Variants in HNRNPUL1 observed in about 807,000 individuals in gnomAD.
The protein encoded by HNRNPUL1 is heterogeneous nuclear ribonucleoprotein U-like protein 1.
In HNRNPUL1, 14 loss-of-function variants were observed where a neutral mutation model predicts 108.5. That is an observed-to-expected ratio of 0.13 (90% CI 0.09 to 0.20). HNRNPUL1 has a LOEUF of 0.20. Among genes scored for constraint, HNRNPUL1 ranks in the 10% least tolerant of loss-of-function variants. HNRNPUL1 has a pLI of 1.00. For missense variants in HNRNPUL1, 804 were observed against 1,168.3 expected (o/e 0.69, Z 4.55); for synonymous variants, 422 against 445.2 (o/e 0.95, Z 0.66).
At chr19:41,289,552 AC>A (rs1450671163) in intron 7 of HNRNPUL1, among the ~76,000 whole-genome samples, 2 of 152,100 alleles carry the variant, frequency 1.3e-5, no homozygotes, top group Non-Finnish European at 2.9e-5. Context: ...AGCAGGAACA[AC>A]AACACAACTC....
In HNRNPUL1 at chr19:41,274,003, T is replaced by C; in HGVS notation, c.594T>C (p.Pro198=). The change falls in exon 4 of 15, where the codon CCT becomes CCC. Residue 198 remains proline, a synonymous_variant. Transcript: ENST00000392006. ...ACAGGGGCCGCTCTCCTCAGCCTCC[T>C]GCTGAAGAGGATGAAGATGACTTTG... ...EDRRGRSPQP[P]AEEDEDDFDD... The C allele has an allele frequency of 6.2e-7, 1 of 1,614,076 alleles. No homozygotes were observed. Among genetic ancestry groups the C allele is most frequent in the Non-Finnish European group, 8.5e-7 (1 of 1,179,892 alleles).
intron 7 of HNRNPUL1, among the ~76,000 whole-genome samples, chr19:41,284,415 C>T (rs569966393): frequency 6.6e-6 from 1 of 152,328 alleles, no homozygotes; most frequent in East Asian, 1.9e-4. Flanking sequence ...CTTGTAGTCT[C>T]AGCACTTTGG....
At chr19:41,290,847 A>G (rs1285973846) in intron 7 of HNRNPUL1, among the ~76,000 whole-genome samples, 1 of 152,158 alleles carries the variant, frequency 6.6e-6, no homozygotes, top group Admixed American at 6.5e-5. Flanking sequence ...ACCTGAGGTC[A>G]GGAGTTCGAG....
At chr19:41,263,038 C>T (rs1211691671), upstream of HNRNPUL1, 1 of 83,598 alleles carries the variant, frequency 1.2e-5, no homozygotes, top group Non-Finnish European at 2.4e-5. Context: ...GAGACTCCGT[C>T]TCAAAAAAAA....
At chr19:41,290,929 C>T (rs1254463682) in intron 7 of HNRNPUL1, among the ~76,000 whole-genome samples, 1 of 152,188 alleles carries the variant, frequency 6.6e-6, no homozygotes, top group African/African-American at 2.4e-5. Context: ...TGGCACATGC[C>T]TGTAATCCCA....
At chr19:41,266,963 G>C (rs1568426159) in intron 1 of HNRNPUL1, among the ~76,000 whole-genome samples, 2 of 152,202 alleles carry the variant, frequency 1.3e-5, no homozygotes, top group Non-Finnish European at 2.9e-5. Context: ...AGCAAGAAAG[G>C]GTAGTGGGTT....
Position 41,304,216 on chromosome 19 carries a change from C to T in HNRNPUL1, c.2217C>T (p.Ser739=), listed in dbSNP as rs377455926. 9.9e-6 allele frequency: 16 copies of T among 1,613,272 alleles called. No homozygotes were observed. Among genetic ancestry groups the T allele is most frequent in the African/African-American group, 6.7e-5 (5 of 74,890 alleles). ...YNKNSNIPGS[S]ANTSTPTVSS... ...AGAACAGCAACATCCCTGGCTCAAG[C>T]GCCAATACCAGCACCCCCACCGTCA... Residue 739 remains serine (S), a synonymous_variant, in exon 13 of 15, where the codon AGC becomes AGT. Coordinates refer to ENST00000392006, the MANE Select transcript of HNRNPUL1 (RefSeq NM_007040.6).
At chr19:41,272,639 G>A (rs550733027) in intron 3 of HNRNPUL1, among the ~76,000 whole-genome samples, 1 of 152,276 alleles carries the variant, frequency 6.6e-6, no homozygotes, top group South Asian at 2.1e-4. Flanking sequence ...GTGCTGTCAC[G>A]AAGTGCCCAC....
rs1410751831 is a variant in HNRNPUL1, at chr19:41,299,081, T to C, written c.1519-2455T>C. Among the ~76,000 whole-genome samples the C allele has an allele frequency of 2.0e-5, 3 of 152,322 alleles. No individual in the cohort carries two copies. In the East Asian group the frequency reaches 5.8e-4, roughly 29 times the overall value. On this transcript the variant is annotated intron_variant, in intron 10 of 14. Coordinates refer to ENST00000392006, the MANE Select transcript of HNRNPUL1 (RefSeq NM_007040.6). The stretch of plus-strand genomic sequence containing the variant: ...CCACGTTCTGCTTTGGTTTTAGGAA[T>C]GGAGTCAAAGAAGAGTAGTGGGGAG...
At chr19:41,263,766 G>A (rs186821192), upstream of HNRNPUL1, among the ~76,000 whole-genome samples, 187 of 152,280 alleles carry the variant, frequency 1.2e-3, no homozygotes, top group African/African-American at 4.1e-3. Flanking sequence ...ATGAGCCATC[G>A]CTACCAGCTT....
At chr19:41,280,714 G>A (rs1341646230) in intron 6 of HNRNPUL1, among the ~76,000 whole-genome samples, 2 of 152,196 alleles carry the variant, frequency 1.3e-5, no homozygotes, top group African/African-American at 2.4e-5. Flanking sequence ...CAGTTCTGTA[G>A]CCTGAGGAAA....
intron 2 of HNRNPUL1, among the ~76,000 whole-genome samples, chr19:41,270,147 T>A (rs1198004614): frequency 6.6e-6 from 1 of 152,138 alleles, no homozygotes; most frequent in Non-Finnish European, 1.5e-5. Context: ...CACACCTGGC[T>A]AATTTTTGTA....
chr19:41,300,901 A>G (rs1040629734), intron 10 of HNRNPUL1, among the ~76,000 whole-genome samples: 1 of 152,220 alleles, frequency 6.6e-6, no homozygotes, highest in Non-Finnish European at 1.5e-5. Context: ...AAAAGAACCA[A>G]TGTTAATAAG....
At chr19:41,290,890 A>C (rs538870605) in intron 7 of HNRNPUL1, among the ~76,000 whole-genome samples, 10 of 152,264 alleles carry the variant, frequency 6.6e-5, no homozygotes, top group Admixed American at 5.2e-4. Flanking sequence ...AACCCCGTCT[A>C]CTAAAAATAC....
chr19:41,277,811 C>T (rs1201064282), intron 5 of HNRNPUL1, among the ~76,000 whole-genome samples: 1 of 151,802 alleles, frequency 6.6e-6, no homozygotes, highest in Non-Finnish European at 1.5e-5. Flanking sequence ...CCAGCATACG[C>T]AGTGCTTTCT....
In HNRNPUL1 at chr19:41,275,467, G is replaced by A. The variant is rs553695305; in HGVS notation, c.647-692G>A. On this transcript the variant is annotated intron_variant, in intron 4 of 14. Transcript: ENST00000392006. ...CATGCCTCCGTACTCCAGCCTGGGT[G>A]ACAAAGCGAGACCTTGTCTCAAAAA... 2.0e-5 allele frequency among the ~76,000 whole-genome samples: 3 copies of A among 151,900 alleles called. No homozygotes were observed. The South Asian group carries it at 6.3e-4, about 32-fold the overall frequency.
chr19:41,303,829 C>G, intron 12 of HNRNPUL1, 143 bp from the exon 13 acceptor site: 2 of 1,009,082 alleles, frequency 2.0e-6, no homozygotes, highest in Non-Finnish European at 2.9e-6. Context: ...TAGAGAATCC[C>G]AGAGGACATG....
At chr19:41,271,674 G>A (rs2035247684) in intron 2 of HNRNPUL1, among the ~76,000 whole-genome samples, 2 of 152,104 alleles carry the variant, frequency 1.3e-5, no homozygotes, top group Non-Finnish European at 2.9e-5. Flanking sequence ...ACTTAAAGAG[G>A]TTATTGCACC....
intron 5 of HNRNPUL1, 56 bp downstream of exon 5, chr19:41,276,354 C>G (rs2035556033): frequency 6.5e-7 from 1 of 1,535,180 alleles, no homozygotes. Flanking sequence ...TTGTAATATC[C>G]TGATACCAGC....
Sources: gnomAD v4.1 joint callset for allele counts (sites outside exome capture counted in the v4.1 genomes callset) on GRCh38, gnomAD v4.1.1 for gene constraint, MANE v1.5 for transcripts, NCBI Gene and HGNC (gene_info 2026-07-23, HGNC 2026-07-21) for gene names.